GAK: variants seen among roughly 807,000 people sequenced by gnomAD.
GAK encodes cyclin G associated kinase, also known as cyclin-G-associated kinase.
Under a neutral mutation model 143.9 loss-of-function variants are expected in GAK, and 79 were observed. The ratio of observed to expected loss-of-function variants is 0.55; its 90% CI spans 0.46 to 0.66. The LOEUF (loss-of-function observed/expected upper bound fraction) is 0.66, where lower values mean the gene tolerates loss of function less well. Ranked by LOEUF, GAK falls within the 30% of genes least tolerant of loss-of-function variation. The pLI, the probability that GAK is intolerant of heterozygous loss-of-function variation, is 0.00. For missense variants in GAK, 1,693 were observed against 1,779.7 expected (o/e 0.95, Z 0.88); for synonymous variants, 881 against 765.5 (o/e 1.15, Z -2.49).
chr4:865,173 C>G lies in GAK; in HGVS notation c.3115G>C (p.Ala1039Pro), dbSNP rs766503817. 6.2e-7 allele frequency: 1 copy of G among 1,612,904 alleles called. No homozygotes were observed. Among genetic ancestry groups the G allele is most frequent in the Non-Finnish European group, 8.5e-7 (1 of 1,179,742 alleles). The change falls in exon 23 of 28, where the codon GCC (alanine) becomes CCC (proline). Residue 1039 changes from alanine (A) to proline (P), a missense_variant. Ala to Pro is a conservative substitution (Grantham distance 27). Coordinates refer to ENST00000314167, the MANE Select transcript of GAK (RefSeq NM_005255.4). ...SNPDLLGGWA[A>P]WTETAASAVA... ...GCCGATGCTGCAGTCTCGGTCCAGG[C>G]AGCCCATCCTCCCAGCAGGTCTGGG...
At chr4:873,006 C>G (rs998135859) in intron 18 of GAK, among the ~76,000 whole-genome samples, 3 of 152,180 alleles carry the variant, frequency 2.0e-5, no homozygotes, top group African/African-American at 7.2e-5. Flanking sequence ...GGGAACACGC[C>G]TCTCGCCCAG....
chr4:898,039 C>G lies in GAK; in HGVS notation c.645G>C (p.Glu215Asp). ...SWSAQRRALV[E>D]EEITRNTTPM... ...TAGGCCCCACTCAGCTCACCTCTTCCTCCACCAGGGCTCGCCTCTGGGCGC... is the reference window on the plus strand; with the variant it reads ...TAGGCCCCACTCAGCTCACCTCTTCGTCCACCAGGGCTCGCCTCTGGGCGC... Residue 215 changes from glutamate (E) to aspartate (D), a missense_variant, in exon 6 of 28, where the codon GAG becomes GAC. Physicochemically the swap from Glu to Asp is conservative, Grantham distance 45. Transcript: ENST00000314167. 6.2e-7 allele frequency: 1 copy of G among 1,612,902 alleles called. No individual in the cohort carries two copies. Among genetic ancestry groups the G allele is most frequent in the Non-Finnish European group, 8.5e-7 (1 of 1,179,532 alleles).
chr4:912,702 C>A, intron 3 of GAK, 33 bp downstream of exon 3: 2 of 1,592,864 alleles, frequency 1.3e-6, no homozygotes, highest in Non-Finnish European at 8.6e-7. Context: ...GCCAAAGCCA[C>A]CGTGCTGGCT....
intron 24 of GAK, chr4:852,233 C>T: frequency 3.6e-6 from 2 of 561,424 alleles, no homozygotes; most frequent in Admixed American, 6.3e-5. Flanking sequence ...GTGGAGGCAG[C>T]ACCCCACCCC....
At chr4:862,873 C>A (rs1400821262) in intron 23 of GAK, among the ~76,000 whole-genome samples, 3 of 152,240 alleles carry the variant, frequency 2.0e-5, no homozygotes, top group African/African-American at 7.2e-5. Context: ...CTGACAGAGA[C>A]GTACGCAGAC....
chr4:876,386 T>G, intron 18 of GAK, 144 bp downstream of exon 18: 1 of 683,872 alleles, frequency 1.5e-6, no homozygotes, highest in Non-Finnish European at 2.6e-6. Flanking sequence ...AGCTCCAGGA[T>G]GGCCCAGGAA....
At chr4:851,190 C>A (rs188305286) in intron 25 of GAK, 106 bp from the exon 26 acceptor site, 2 of 926,448 alleles carry the variant, frequency 2.2e-6, no homozygotes, top group East Asian at 2.7e-5. Context: ...CTTTGCCTCC[C>A]GGCCTCAAGC....
intron 18 of GAK, among the ~76,000 whole-genome samples, chr4:874,543 C>T (rs901384142): frequency 3.9e-5 from 6 of 152,232 alleles, no homozygotes; most frequent in African/African-American, 9.6e-5. Context: ...CAGCTGCCTT[C>T]GGGTGTCACT....
chr4:857,596 G>A (rs1749517795), intron 24 of GAK, among the ~76,000 whole-genome samples: 1 of 152,158 alleles, frequency 6.6e-6, no homozygotes, highest in South Asian at 2.1e-4. Flanking sequence ...CTGCACAGAG[G>A]CGCCTGCACC....
At chr4:876,480 G>T in intron 18 of GAK, 50 bp downstream of exon 18, 1 of 1,521,806 alleles carries the variant, frequency 6.6e-7, no homozygotes, top group Non-Finnish European at 9.1e-7. Flanking sequence ...CAGGTGCTGC[G>T]GCACAGGGCA....
chr4:901,748 T>C (rs896472999), intron 5 of GAK, among the ~76,000 whole-genome samples: 8 of 152,198 alleles, frequency 5.3e-5, no homozygotes, highest in Non-Finnish European at 2.9e-5. Context: ...CTCGTCCCCT[T>C]GGCCTGGGCA....
At chr4:918,418 A>T (rs915035260) in intron 1 of GAK, among the ~76,000 whole-genome samples, 1 of 152,264 alleles carries the variant, frequency 6.6e-6, no homozygotes, top group Non-Finnish European at 1.5e-5. Context: ...AGGCATAAAG[A>T]TCAAAAAGGA....
rs752579516 is a variant in GAK, at chr4:867,311, C to G, written c.2517G>C (p.Glu839Asp). The G allele has an allele frequency of 8.7e-6, 14 of 1,611,562 alleles. No individual in the cohort carries two copies. The South Asian group carries it at 9.9e-5, about 11-fold the overall frequency. The change falls in exon 21 of 28, where the codon GAG (glutamate) becomes GAC (aspartate). Residue 839 changes from glutamate to aspartate, a missense_variant. Physicochemically the swap from Glu to Asp is conservative, Grantham distance 45. Coordinates refer to ENST00000314167, the MANE Select transcript of GAK (RefSeq NM_005255.4). ...SDEGGSPISS[E>D]GQEPRADPEP... The stretch of plus-strand genomic sequence containing the variant: ...CTGGGTCGGCCCTGGGTTCCTGGCC[C>G]TCGCTGGAGATCGGGGATCCCCCTT...
chr4:912,301 C>T (rs1168351915), intron 3 of GAK: 3 of 396,884 alleles, frequency 7.6e-6, no homozygotes, highest in African/African-American at 2.0e-5. Context: ...GGAGATGCCC[C>T]GCCCAGTCAT....
Position 904,660 on chromosome 4 carries a change from G to A in GAK, c.502C>T (p.Pro168Ser). Residue 168 changes from proline (P) to serine (S), a missense_variant, in exon 5 of 28, where the codon CCC becomes TCC. Physicochemically the swap from Pro to Ser is moderately conservative, Grantham distance 74. Transcript: ENST00000314167. ...ACCTTGAGGTCCCTGTGGATGATGGGCGGCTTCTGCCGGTGCATGTGCTGC... is the reference window on the plus strand; with the variant it reads ...ACCTTGAGGTCCCTGTGGATGATGGACGGCTTCTGCCGGTGCATGTGCTGC... Reference protein sequence around the residue: ...AVQHMHRQKPPIIHRDLKVEN... With the variant: ...AVQHMHRQKPSIIHRDLKVEN... 1 of 1,600,930 alleles carries A rather than the reference G, an allele frequency of 6.2e-7. No individual in the cohort carries two copies. Among genetic ancestry groups the A allele is most frequent in the Middle Eastern group, 1.7e-4 (1 of 5,836 alleles).
intron 1 of GAK, among the ~76,000 whole-genome samples, chr4:914,550 C>T: frequency 8.3e-6 from 1 of 120,988 alleles, no homozygotes; most frequent in Non-Finnish European, 1.7e-5. Context: ...ACACACAGCC[C>T]CAGCGTGCAC....
At chr4:906,129 C>T (rs566290091) in intron 4 of GAK, among the ~76,000 whole-genome samples, 39 of 152,208 alleles carry the variant, frequency 2.6e-4, no homozygotes, top group Middle Eastern at 6.8e-3. Flanking sequence ...TCCCAGCAGC[C>T]GAGGTGGCAA....
intron 4 of GAK, among the ~76,000 whole-genome samples, chr4:909,035 C>T (rs559954425): frequency 1.5e-4 from 23 of 152,194 alleles, no homozygotes; most frequent in African/African-American, 4.6e-4. Context: ...ACAAAAGAGA[C>T]GGGGTTTAGC....
At chr4:923,159 T>G (rs902115342) in intron 1 of GAK, among the ~76,000 whole-genome samples, 2 of 152,230 alleles carry the variant, frequency 1.3e-5, no homozygotes, top group Non-Finnish European at 2.9e-5. Context: ...GCACCAGGGT[T>G]AGCATCCCGA....
Sources: allele counts gnomAD v4.1 joint callset (sites outside exome capture counted in the v4.1 genomes callset), GRCh38; gene constraint gnomAD v4.1.1; transcripts MANE v1.5; gene names NCBI Gene and HGNC (gene_info 2026-07-23, HGNC 2026-07-21).